POU2F3: variants seen among roughly 807,000 people sequenced by gnomAD.
The protein encoded by POU2F3 is POU domain, class 2, transcription factor 3.
Under a neutral mutation model 59.2 loss-of-function variants are expected in POU2F3, and 23 were observed. That is an observed-to-expected ratio of 0.39 (90% CI 0.28 to 0.55). The LOEUF (loss-of-function observed/expected upper bound fraction) is 0.55, where lower values mean the gene tolerates loss of function less well. POU2F3 is among the 20% of genes least tolerant of loss of function. The pLI is 0.66. For synonymous variants in POU2F3, 190 were observed against 214.6 expected, an observed-to-expected ratio of 0.89 and a Z score of 1.00; for missense variants, 473 against 544.5, an observed-to-expected ratio of 0.87 and a Z score of 1.31.
chr11:120,312,248 T>G (rs138429325), intron 10 of POU2F3, among the ~76,000 whole-genome samples: 4,071 of 152,208 alleles, frequency 0.027, 192 homozygotes, highest in African/African-American at 0.092. Flanking sequence ...CTCAGCCTCC[T>G]GAGTAGCTGG....
intron 10 of POU2F3, among the ~76,000 whole-genome samples, chr11:120,309,981 A>G (rs1941612045): frequency 6.6e-6 from 1 of 152,220 alleles, no homozygotes; most frequent in African/African-American, 2.4e-5. Context: ...AGAGGAAGTC[A>G]GAGAGGAAAC....
intron 6 of POU2F3, among the ~76,000 whole-genome samples, chr11:120,304,568 T>C (rs115179802): frequency 0.018 from 2,734 of 152,288 alleles, 75 homozygotes; most frequent in African/African-American, 0.061. Flanking sequence ...TATCTTCAGT[T>C]AATGCCTGTT....
chr11:120,309,918 G>T (rs571106791), intron 10 of POU2F3, among the ~76,000 whole-genome samples: 1 of 152,270 alleles, frequency 6.6e-6, no homozygotes, highest in African/African-American at 2.4e-5. Context: ...TTAAGAAACA[G>T]CAAGGCAACC....
At chr11:120,263,278 CCGCGCCCAGCCTACCAT>C (rs1939684020) in intron 2 of POU2F3, among the ~76,000 whole-genome samples, 1 of 152,236 alleles carries the variant, frequency 6.6e-6, no homozygotes, top group Non-Finnish European at 1.5e-5. Flanking sequence ...GCGTGACCCA[CCGCGCCCAGCCTACCAT>C]CTTAACCATT....
intron 5 of POU2F3, chr11:120,300,769 A>AC: frequency 3.9e-6 from 1 of 259,282 alleles, no homozygotes; most frequent in South Asian, 4.4e-5. Context: ...GTCTCTGAAA[A>AC]AAAAAAATAA....
chr11:120,313,429 A>G (rs1941704900), intron 10 of POU2F3, among the ~76,000 whole-genome samples: 1 of 152,182 alleles, frequency 6.6e-6, no homozygotes, highest in Non-Finnish European at 1.5e-5. Flanking sequence ...AAATAGTTAC[A>G]CTAACACTTG....
chr11:120,269,078 C>A, intron 2 of POU2F3, 132 bp from the exon 3 acceptor site: 1 of 639,906 alleles, frequency 1.6e-6, no homozygotes, highest in Admixed American at 3.0e-5. Context: ...GAGGAGGATC[C>A]CAACCACAAG....
intron 2 of POU2F3, among the ~76,000 whole-genome samples, chr11:120,262,287 G>C (rs1180528549): frequency 6.6e-6 from 1 of 152,164 alleles, no homozygotes; most frequent in East Asian, 1.9e-4. Flanking sequence ...CGCCATATTT[G>C]CTTCATCTAT....
intron 2 of POU2F3, among the ~76,000 whole-genome samples, chr11:120,248,660 A>G (rs772043467): frequency 2.6e-5 from 4 of 152,168 alleles, no homozygotes; most frequent in Non-Finnish European, 5.9e-5. Context: ...TACCACCACC[A>G]GGAGATCTTT....
chr11:120,319,870 C>A lies in POU2F3; in HGVS notation c.*1478C>A, dbSNP rs1024759928. On this transcript the variant is annotated 3_prime_UTR_variant, in exon 13 of 13. Coordinates refer to ENST00000543440, the MANE Select transcript of POU2F3 (RefSeq NM_014352.4). ...TGGTAACTTAAAAAAAAAAAGACTA[C>A]ATGTCTAGGAAACTGTTGAGATTCA... The A allele has an allele frequency of 3.3e-5, 5 of 151,928 alleles. No homozygotes were observed. Among genetic ancestry groups the A allele is most frequent in the African/African-American group, 1.2e-4 (5 of 41,254 alleles). 9.4% of individuals were successfully genotyped at this position (151,928 alleles called of 1,614,324 possible). A position where few individuals can be genotyped will look rare whatever the true frequency, so the allele number is the denominator to read the frequency against.
rs545419491 is a variant in POU2F3 at position 120,280,765 on chromosome 11, A to G, written c.132+11521A>G. Among the ~76,000 whole-genome samples the G allele has an allele frequency of 1.5e-4, 23 of 152,252 alleles. No homozygotes were observed. In the South Asian group the frequency reaches 4.4e-3, roughly 29 times the overall value. ...TTCCAAAGCCCTGTCAGTCATACCAACACCCGCAGACCTCTTCTGGCTGAG... is the reference window on the plus strand; with the variant it reads ...TTCCAAAGCCCTGTCAGTCATACCAGCACCCGCAGACCTCTTCTGGCTGAG... On this transcript the variant is annotated intron_variant, in intron 3 of 12. Transcript: ENST00000543440.
In POU2F3 at chr11:120,246,470, T is replaced by C; in HGVS notation, c.50T>C (p.Val17Ala). 6.2e-7 allele frequency: 1 copy of C among 1,613,872 alleles called. No homozygotes were observed. Among genetic ancestry groups the C allele is most frequent in the Non-Finnish European group, 8.5e-7 (1 of 1,179,980 alleles). The change falls in exon 2 of 13, where the codon GTA (valine) becomes GCA (alanine). Residue 17 changes from valine to alanine, a missense_variant. Transcript: ENST00000543440. ...GCAGATATCAAGATGAGTGGGGATG[T>C]AGCCGATTCCACGGATGCTCGCAGC... is the stretch of plus-strand genomic sequence containing the variant. The part of the protein sequence containing the change: ...MHTDIKMSGD[V>A]ADSTDARSTL...
At chr11:120,245,299 T>C (rs1034849730) in intron 1 of POU2F3, among the ~76,000 whole-genome samples, 1 of 152,066 alleles carries the variant, frequency 6.6e-6, no homozygotes, top group Non-Finnish European at 1.5e-5. Context: ...GGGGCACAGG[T>C]CTACCCTTTT....
chr11:120,236,747 C>T, upstream of POU2F3: 3 of 1,433,090 alleles, frequency 2.1e-6, no homozygotes, highest in Non-Finnish European at 2.8e-6. Flanking sequence ...GCTCATCTAA[C>T]TGAAATGATC....
At chr11:120,237,611 A>G (rs188406980), upstream of POU2F3, among the ~76,000 whole-genome samples, 21 of 152,364 alleles carry the variant, frequency 1.4e-4, no homozygotes, top group African/African-American at 4.8e-4. Context: ...AACGGGCCCC[A>G]GATAAGGTGG....
At chr11:120,308,995 G>A (rs2135124212) in intron 9 of POU2F3, among the ~76,000 whole-genome samples, 1 of 131,194 alleles carries the variant, frequency 7.6e-6, no homozygotes, top group Non-Finnish European at 1.6e-5. Context: ...AAGGGAGAAG[G>A]ACATCAGGTA....
chr11:120,270,782 T>C (rs1045363815), intron 3 of POU2F3, among the ~76,000 whole-genome samples: 3 of 152,140 alleles, frequency 2.0e-5, no homozygotes, highest in African/African-American at 7.2e-5. Flanking sequence ...AGCCTTGACT[T>C]CTGGGGCTCA....
At position 120,240,315 on chromosome 11, in the gene POU2F3, G is replaced by A. The variant is rs747152893; in HGVS notation, c.-29G>A. ...GGGCAGAGGCGAGGGGCCTGGGGGGGCGCTGGCTTTGGCCCCGCCTGGGGC... is the reference window on the plus strand; with the variant it reads ...GGGCAGAGGCGAGGGGCCTGGGGGGACGCTGGCTTTGGCCCCGCCTGGGGC... On this transcript the variant is annotated 5_prime_UTR_variant, in exon 1 of 13. Transcript: ENST00000543440. 6 of 1,367,086 alleles carry A rather than the reference G, an allele frequency of 4.4e-6. No homozygotes were observed. The highest frequency in any genetic ancestry group is 2.8e-5 in the East Asian group (1 of 35,472). The allele number at this position is 1,367,086 out of a possible 1,614,324, so 84.7% of individuals were successfully genotyped here. A position where few individuals can be genotyped will look rare whatever the true frequency, so the allele number is the denominator to read the frequency against.
In POU2F3 at chr11:120,304,551, C is replaced by G. The variant is rs1318183265; in HGVS notation, c.445-479C>G. On this transcript the variant is annotated intron_variant, in intron 6 of 12. Coordinates refer to ENST00000543440, the MANE Select transcript of POU2F3 (RefSeq NM_014352.4). ...ATGAAGGCCATGAGTTATTGGATGTCCCCTGTTATCTTCAGTTAATGCCTG... is the reference window on the plus strand; with the variant it reads ...ATGAAGGCCATGAGTTATTGGATGTGCCCTGTTATCTTCAGTTAATGCCTG... Among the ~76,000 whole-genome samples the G allele has an allele frequency of 2.6e-5, 4 of 152,186 alleles. No individual in the cohort carries two copies. In the East Asian group the frequency reaches 7.7e-4, roughly 29 times the overall value.
Sources: allele counts gnomAD v4.1 joint callset (sites outside exome capture counted in the v4.1 genomes callset), GRCh38; gene constraint gnomAD v4.1.1; transcripts MANE v1.5; gene names NCBI Gene and HGNC (gene_info 2026-07-23, HGNC 2026-07-21).